Variants in KCTD1 observed in about 807,000 individuals in gnomAD.
KCTD1 encodes the protein BTB/POZ domain-containing protein KCTD1.
KCTD1 carries 24 observed loss-of-function variants against 66.0 expected under a neutral mutation model. That is an observed-to-expected ratio of 0.36 (90% CI 0.26 to 0.51). The LOEUF is 0.51. KCTD1 is among the 20% of genes least tolerant of loss of function. KCTD1 has a pLI of 0.95. For missense variants in KCTD1, 943 were observed against 1,205.2 expected (o/e 0.78, Z 3.22); for synonymous variants, 511 against 517.2 (o/e 0.99, Z 0.16).
intron 1 of KCTD1, 113 bp downstream of exon 1, chr18:26,546,615 G>A (rs1347413239): frequency 7.2e-6 from 9 of 1,249,934 alleles, no homozygotes; most frequent in African/African-American, 1.5e-5. Flanking sequence ...ATCCGATTCA[G>A]TACATTACCT....
intron 1 of KCTD1, among the ~76,000 whole-genome samples, chr18:26,622,765 G>C (rs1019238933): frequency 6.6e-6 from 1 of 152,126 alleles, no homozygotes; most frequent in African/African-American, 2.4e-5. Flanking sequence ...AGAGGGTAGA[G>C]AGGGGGTGGC....
chr18:26,462,417 T>G (rs191879738), intron 3 of KCTD1, among the ~76,000 whole-genome samples: 7 of 152,228 alleles, frequency 4.6e-5, no homozygotes. Flanking sequence ...GCTCCATTTT[T>G]TCCTTTACTA....
chr18:26,641,637 G>A (rs1480177761), upstream of KCTD1, among the ~76,000 whole-genome samples: 1 of 151,678 alleles, frequency 6.6e-6, no homozygotes, highest in African/African-American at 2.4e-5. Flanking sequence ...CAGTCCGTCT[G>A]GCATGCCATA....
chr18:26,554,512 T>C (rs1348925672), intron 1 of KCTD1, among the ~76,000 whole-genome samples: 1 of 152,164 alleles, frequency 6.6e-6, no homozygotes, highest in Non-Finnish European at 1.5e-5. Context: ...CAGTGAAGAA[T>C]TCATAGACAA....
upstream of KCTD1, among the ~76,000 whole-genome samples, chr18:26,643,933 G>A (rs1199856774): frequency 6.6e-6 from 1 of 151,996 alleles, no homozygotes; most frequent in Non-Finnish European, 1.5e-5. Context: ...CTGCACTCCA[G>A]CCTGGGTGAC....
At chr18:26,507,042 T>C (rs1466765047) in intron 1 of KCTD1, among the ~76,000 whole-genome samples, 1 of 152,156 alleles carries the variant, frequency 6.6e-6, no homozygotes, top group African/African-American at 2.4e-5. Flanking sequence ...GGCAGGTGCC[T>C]GTAATCCCAG....
At chr18:26,617,888 G>A (rs1987291816) in intron 1 of KCTD1, among the ~76,000 whole-genome samples, 1 of 146,886 alleles carries the variant, frequency 6.8e-6, no homozygotes, top group Non-Finnish European at 1.5e-5. Context: ...AGGGAAGGAG[G>A]GCAGGCAAGG....
At chr18:26,536,487 C>T (rs1317136527) in intron 1 of KCTD1, among the ~76,000 whole-genome samples, 1 of 152,102 alleles carries the variant, frequency 6.6e-6, no homozygotes, top group Admixed American at 6.5e-5. Flanking sequence ...TCCACATTCC[C>T]CATACATGCA....
intron 1 of KCTD1, among the ~76,000 whole-genome samples, chr18:26,541,282 T>C (rs989071277): frequency 6.6e-6 from 1 of 152,122 alleles, no homozygotes; most frequent in African/African-American, 2.4e-5. Context: ...AAATTCTCAT[T>C]GGGGGTGAAA....
At chr18:26,607,009 A>C (rs548019533) in intron 1 of KCTD1, among the ~76,000 whole-genome samples, 1 of 152,046 alleles carries the variant, frequency 6.6e-6, no homozygotes, top group Non-Finnish European at 1.5e-5. Flanking sequence ...TCTTGTCCCT[A>C]CCTGGGCAGA....
intron 1 of KCTD1, among the ~76,000 whole-genome samples, chr18:26,619,524 A>T (rs1457862433): frequency 6.6e-6 from 1 of 152,118 alleles, no homozygotes; most frequent in Non-Finnish European, 1.5e-5. Flanking sequence ...CTTTATTTTC[A>T]TTGCTATCAG....
At chr18:26,633,534 A>AC (rs962337044), upstream of KCTD1, among the ~76,000 whole-genome samples, 4 of 152,048 alleles carry the variant, frequency 2.6e-5, no homozygotes, top group Non-Finnish European at 5.9e-5. Context: ...TAAAATAATT[A>AC]CCCCCCCAAA....
intron 1 of KCTD1, among the ~76,000 whole-genome samples, chr18:26,597,672 T>C (rs892716947): frequency 6.6e-6 from 1 of 150,724 alleles, no homozygotes; most frequent in Non-Finnish European, 1.5e-5. Context: ...TTTTTTTTTT[T>C]TTTTGGAGTC....
chr18:26,551,851 C>T (rs538627724), upstream of KCTD1, among the ~76,000 whole-genome samples: 1 of 152,340 alleles, frequency 6.6e-6, no homozygotes, highest in African/African-American at 2.4e-5. Flanking sequence ...TTCTGCCTAT[C>T]AGGCAGCATC....
At chr18:26,626,722 T>A (rs1056410402) in intron 1 of KCTD1, among the ~76,000 whole-genome samples, 2 of 152,072 alleles carry the variant, frequency 1.3e-5, no homozygotes, top group African/African-American at 4.8e-5. Flanking sequence ...TGATCCTCCC[T>A]CTTTGGCCTT....
At chr18:26,504,878 A>G (rs1296908900) in intron 1 of KCTD1, among the ~76,000 whole-genome samples, 1 of 152,176 alleles carries the variant, frequency 6.6e-6, no homozygotes, top group African/African-American at 2.4e-5. Flanking sequence ...ATGGACACTG[A>G]AGTCCAGGAT....
chr18:26,560,141 GAA>G (rs199584163), intron 1 of KCTD1, among the ~76,000 whole-genome samples: 9 of 103,846 alleles, frequency 8.7e-5, no homozygotes, highest in East Asian at 6.7e-4. Flanking sequence ...CCCCCCACCA[GAA>G]AAAAAAAAAA....
chr18:26,563,682 T>G (rs1985915133), intron 1 of KCTD1, among the ~76,000 whole-genome samples: 1 of 152,258 alleles, frequency 6.6e-6, no homozygotes, highest in South Asian at 2.1e-4. Flanking sequence ...GCACTGCCAC[T>G]TATGTGTTGT....
chr18:26,607,951 T>C (rs1253011658), intron 1 of KCTD1, among the ~76,000 whole-genome samples: 2 of 152,054 alleles, frequency 1.3e-5, no homozygotes, highest in African/African-American at 2.4e-5. Context: ...AAAATTTGTT[T>C]GTAGAGTTGG....
Sources: gnomAD v4.1 joint callset for allele counts (sites outside exome capture counted in the v4.1 genomes callset) on GRCh38, gnomAD v4.1.1 for gene constraint, MANE v1.5 for transcripts, NCBI Gene and HGNC (gene_info 2026-07-23, HGNC 2026-07-21) for gene names.